The following FTCDNL1 variants were observed in gnomAD, a reference collection of about 807,000 sequenced individuals.
The protein encoded by FTCDNL1 is formiminotransferase cyclodeaminase N-terminal like.
A neutral mutation model predicts 5.9 loss-of-function variants in FTCDNL1; 11 were observed. The observed-to-expected ratio is 1.87, with a 90% confidence interval of 1.18 to 3.10. FTCDNL1 has a LOEUF of 3.10. FTCDNL1 is among the 30% of genes most tolerant of loss of function. FTCDNL1 has a pLI of 0.00. For missense variants in FTCDNL1, 115 were observed against 65.5 expected (o/e 1.76, Z -2.61); for synonymous variants, 58 against 24.8 (o/e 2.34, Z -3.99).
chr2:199,709,441 G>C, the FTCDNL1 span, among the ~76,000 whole-genome samples: 70 of 152,108 alleles, frequency 4.6e-4, no homozygotes, highest in Non-Finnish European at 7.8e-4. Flanking sequence ...CTACTAGAAA[G>C]AGAGGATAGA....
At chr2:199,689,027 A>C in the FTCDNL1 span, among the ~76,000 whole-genome samples, 1 of 152,350 alleles carries the variant, frequency 6.6e-6, no homozygotes, top group Admixed American at 6.5e-5. Context: ...ATGATGTTTA[A>C]TGGAGCATTA....
chr2:199,727,693 T>C, the FTCDNL1 span, among the ~76,000 whole-genome samples: 1 of 152,082 alleles, frequency 6.6e-6, no homozygotes, highest in African/African-American at 2.4e-5. Context: ...AGACTGGAGC[T>C]GCTTCTAATC....
Position 199,793,311 on chromosome 2 carries a change from C to T in FTCDNL1, c.212-32476G>A, listed in dbSNP as rs183266474. Among the ~76,000 whole-genome samples, 34 of 152,122 alleles carry T rather than the reference C, an allele frequency of 2.2e-4. 1 individual carries two copies. The highest frequency in any genetic ancestry group is 3.9e-4 in the Admixed American group (6 of 15,282). The stretch of plus-strand genomic sequence containing the variant: ...ATCCAAGGCATAATTCTTATCTAGT[C>T]CTCAACAGAAACCCTCTGAGAGTTA... On this transcript the variant is annotated intron_variant, in intron 3 of 3. Transcript: ENST00000416668.
chr2:199,713,389 G>T, the FTCDNL1 span, among the ~76,000 whole-genome samples: 1 of 152,130 alleles, frequency 6.6e-6, no homozygotes, highest in Admixed American at 6.6e-5. Context: ...AATAAGGTGA[G>T]CCTGCAACCA....
rs899163938 is a variant in FTCDNL1 at position 199,811,050 on chromosome 2, A to G, written c.*1655T>C. ...CTTTTTCCCACACATGTACATAATG[A>G]AACATTTCAACTCCCGAGGCTGGGC... On this transcript the variant is annotated 3_prime_UTR_variant, in exon 5 of 5. Transcript: ENST00000420128. Among the ~76,000 whole-genome samples, 4 of 152,200 alleles carry G rather than the reference A, an allele frequency of 2.6e-5. No individual in the cohort carries two copies. Among genetic ancestry groups the G allele is most frequent in the African/African-American group, 9.7e-5 (4 of 41,432 alleles).
the FTCDNL1 span, among the ~76,000 whole-genome samples, chr2:199,719,754 C>T: frequency 3.3e-5 from 5 of 152,196 alleles, no homozygotes; most frequent in African/African-American, 1.2e-4. Context: ...CCCACCTTAA[C>T]CTCCCAAGTA....
chr2:199,772,880 G>A (rs1416934475), intron 3 of FTCDNL1, among the ~76,000 whole-genome samples: 3 of 152,278 alleles, frequency 2.0e-5, no homozygotes, highest in South Asian at 2.1e-4. Context: ...GTAGCCACAC[G>A]CCCTGTATTA....
chr2:199,788,590 AG>A, intron 3 of FTCDNL1, among the ~76,000 whole-genome samples: 1 of 152,282 alleles, frequency 6.6e-6, no homozygotes, highest in South Asian at 2.1e-4. Flanking sequence ...TTACAAAAAA[AG>A]GGCTAAAAAT....
rs149260368 is a variant in FTCDNL1 at position 199,797,447 on chromosome 2, A to C, written c.212-36612T>G. On this transcript the variant is annotated intron_variant, in intron 3 of 3. Transcript: ENST00000416668. ...CAAAATGCTATTTTAAAATCAAAGA[A>C]ATCTGTTCTGAATCTCATTTTACTA... Among the ~76,000 whole-genome samples the C allele has an allele frequency of 7.2e-5, 11 of 152,320 alleles. No homozygotes were observed. The East Asian group carries it at 1.2e-3, about 16-fold the overall frequency.
the FTCDNL1 span, among the ~76,000 whole-genome samples, chr2:199,718,807 AT>A: frequency 6.6e-6 from 1 of 151,864 alleles, no homozygotes; most frequent in Non-Finnish European, 1.5e-5. Flanking sequence ...GATTACTGAC[AT>A]TTTTTTCATG....
chr2:199,716,404 G>T, the FTCDNL1 span, among the ~76,000 whole-genome samples: 1 of 152,126 alleles, frequency 6.6e-6, no homozygotes, highest in Non-Finnish European at 1.5e-5. Flanking sequence ...TAAAAAGATG[G>T]TTGGACTTTA....
the FTCDNL1 span, among the ~76,000 whole-genome samples, chr2:199,746,057 A>G: frequency 0.85 from 128,876 of 152,248 alleles, 55,634 homozygotes; most frequent in East Asian, 1. Context: ...AACCAACCCA[A>G]AAATGACCTT....
At chr2:199,787,913 T>C (rs1047266934) in intron 3 of FTCDNL1, among the ~76,000 whole-genome samples, 2 of 152,232 alleles carry the variant, frequency 1.3e-5, no homozygotes, top group Non-Finnish European at 2.9e-5. Context: ...ATAATTTTGT[T>C]CTGCATCCCT....
chr2:199,779,658 G>A (rs995317949), intron 3 of FTCDNL1, among the ~76,000 whole-genome samples: 1 of 152,196 alleles, frequency 6.6e-6, no homozygotes, highest in Non-Finnish European at 1.5e-5. Context: ...AATGTCAGGG[G>A]ATCTGGAGCA....
At position 199,848,987 on chromosome 2, in the gene FTCDNL1, T is replaced by A. The variant is rs978238076; in HGVS notation, c.-7-18A>T. On this transcript the variant is annotated intron_variant, in intron 1 of 4. Coordinates refer to ENST00000420128, the MANE Select transcript of FTCDNL1 (RefSeq NM_001363886.2). Reference sequence around the variant, plus strand: ...TGATTTTTCTGGAATAGGAGAAAAATTTTTATGTGTCTCTAGAGTTGATTC... The same window carrying A: ...TGATTTTTCTGGAATAGGAGAAAAAATTTTATGTGTCTCTAGAGTTGATTC... 13 of 697,708 alleles carry A rather than the reference T, an allele frequency of 1.9e-5. No homozygotes were observed. Among genetic ancestry groups the A allele is most frequent in the African/African-American group, 7.0e-5 (4 of 56,912 alleles). 43.2% of individuals were successfully genotyped at this position (697,708 alleles called of 1,614,324 possible). A position where few individuals can be genotyped will look rare whatever the true frequency, so the allele number is the denominator to read the frequency against.
At chr2:199,673,011 C>T in the FTCDNL1 span, among the ~76,000 whole-genome samples, 222 of 152,072 alleles carry the variant, frequency 1.5e-3, no homozygotes, top group African/African-American at 5.2e-3. Context: ...GTCAGGGAGA[C>T]GTGAGTGTCA....
the FTCDNL1 span, among the ~76,000 whole-genome samples, chr2:199,713,029 A>G: frequency 1.3e-5 from 2 of 152,204 alleles, no homozygotes; most frequent in Non-Finnish European, 2.9e-5. Flanking sequence ...ATAATAGAAA[A>G]CTGCTTCTGA....
the FTCDNL1 span, among the ~76,000 whole-genome samples, chr2:199,687,919 A>G: frequency 1.3e-5 from 2 of 152,120 alleles, no homozygotes; most frequent in Non-Finnish European, 2.9e-5. Flanking sequence ...CCAGTGTTAC[A>G]TAGTAACTAG....
the FTCDNL1 span, among the ~76,000 whole-genome samples, chr2:199,750,864 C>G: frequency 6.6e-6 from 1 of 152,202 alleles, no homozygotes; most frequent in Non-Finnish European, 1.5e-5. Context: ...TTTTGCCATG[C>G]CATCCTTTGC....
Sources: allele counts gnomAD v4.1 joint callset (sites outside exome capture counted in the v4.1 genomes callset), GRCh38; gene constraint gnomAD v4.1.1; transcripts MANE v1.5; gene names NCBI Gene and HGNC (gene_info 2026-07-23, HGNC 2026-07-21).